The following CSMD1 variants were observed in gnomAD, a reference collection of about 807,000 sequenced individuals.
CSMD1 encodes CUB and Sushi multiple domains 1, also known as CUB and sushi domain-containing protein 1.
CSMD1 carries 213 observed loss-of-function variants against 417.5 expected under a neutral mutation model. The observed-to-expected ratio is 0.51, with a 90% CI of 0.46 to 0.57. CSMD1 has a LOEUF of 0.57. CSMD1 is among the 20% of genes least tolerant of loss of function. CSMD1 has a pLI of 0.00. For synonymous variants in CSMD1, 2,862 were observed against 1,736.8 expected (o/e 1.65, Z -16.11); for missense variants, 6,923 against 4,529.7 (o/e 1.53, Z -15.17).
chr8:3,292,246 A>T (rs1184264452), intron 25 of CSMD1, among the ~76,000 whole-genome samples: 1 of 152,154 alleles, frequency 6.6e-6, no homozygotes, highest in Non-Finnish European at 1.5e-5. Flanking sequence ...TTTACTTCCA[A>T]CTATGTGGTC....
At chr8:3,802,031 A>T (rs1045681539) in intron 5 of CSMD1, among the ~76,000 whole-genome samples, 12 of 152,154 alleles carry the variant, frequency 7.9e-5, no homozygotes, top group Non-Finnish European at 1.8e-4. Context: ...CGATGATGTA[A>T]GCATACAAAA....
chr8:4,363,984 A>C (rs768267255), intron 3 of CSMD1, among the ~76,000 whole-genome samples: 1 of 152,172 alleles, frequency 6.6e-6, no homozygotes, highest in Admixed American at 6.5e-5. Context: ...TTTTGCTAGC[A>C]TAACAGGTTG....
At chr8:4,699,188 G>A (rs1396171165) in intron 1 of CSMD1, among the ~76,000 whole-genome samples, 1 of 152,132 alleles carries the variant, frequency 6.6e-6, no homozygotes, top group African/African-American at 2.4e-5. Flanking sequence ...CTCAAAGCCT[G>A]CTAAGTATGT....
chr8:4,190,963 G>A (rs781538056), intron 3 of CSMD1, among the ~76,000 whole-genome samples: 25 of 150,696 alleles, frequency 1.7e-4, no homozygotes, highest in African/African-American at 4.7e-4. Flanking sequence ...TGGGGGGGGC[G>A]GGGAAGGGAG....
chr8:3,700,250 T>A (rs1233058968), intron 7 of CSMD1, among the ~76,000 whole-genome samples: 1 of 152,110 alleles, frequency 6.6e-6, no homozygotes, highest in Admixed American at 6.5e-5. Context: ...CCCAATAACT[T>A]ATGGAAAAAA....
At chr8:4,940,029 C>G (rs1204251517) in intron 1 of CSMD1, among the ~76,000 whole-genome samples, 1 of 152,108 alleles carries the variant, frequency 6.6e-6, no homozygotes, top group African/African-American at 2.4e-5. Context: ...ATCCATGTGC[C>G]TGCACTCCCG....
At chr8:3,134,266 T>C (rs185007851) in intron 41 of CSMD1, among the ~76,000 whole-genome samples, 2 of 152,078 alleles carry the variant, frequency 1.3e-5, no homozygotes, top group Admixed American at 1.3e-4. Flanking sequence ...AGGGCAAGGG[T>C]TCTGATGTCC....
intron 5 of CSMD1, among the ~76,000 whole-genome samples, chr8:3,985,299 A>C (rs1158098133): frequency 6.6e-6 from 1 of 152,204 alleles, no homozygotes; most frequent in Non-Finnish European, 1.5e-5. Context: ...TGCAGATAAT[A>C]AATTATTTTT....
intron 62 of CSMD1, among the ~76,000 whole-genome samples, chr8:2,959,999 ATGATAGG>A (rs2128924575): frequency 6.6e-6 from 1 of 152,296 alleles, no homozygotes; most frequent in Non-Finnish European, 1.5e-5. Context: ...TTAGTGTCAT[ATGATAGG>A]TTATAGAACT....
intron 1 of CSMD1, among the ~76,000 whole-genome samples, chr8:4,650,371 A>C (rs1803818182): frequency 6.6e-6 from 1 of 150,862 alleles, no homozygotes; most frequent in Non-Finnish European, 1.5e-5. Context: ...AAAAAAAAAA[A>C]AATCAATGAA....
intron 2 of CSMD1, among the ~76,000 whole-genome samples, chr8:4,610,162 CT>C (rs1801091540): frequency 6.6e-6 from 1 of 150,430 alleles, no homozygotes; most frequent in South Asian, 2.1e-4. Flanking sequence ...TTTTCTTCCC[CT>C]GCTTTCTTCT....
At chr8:2,998,254 T>C (rs922425343) in intron 53 of CSMD1, 70 bp from the exon 54 acceptor site, 1 of 1,495,670 alleles carries the variant, frequency 6.7e-7, no homozygotes, top group Non-Finnish European at 9.2e-7. Flanking sequence ...GGATTATTAA[T>C]AAGAAACATG....
At chr8:3,605,629 A>G (rs1456023971) in intron 8 of CSMD1, among the ~76,000 whole-genome samples, 1 of 152,158 alleles carries the variant, frequency 6.6e-6, no homozygotes, top group Non-Finnish European at 1.5e-5. Context: ...ATGACACATA[A>G]TTCATAAAGC....
At chr8:3,794,879 C>CTCTG in intron 5 of CSMD1, among the ~76,000 whole-genome samples, 1 of 151,708 alleles carries the variant, frequency 6.6e-6, no homozygotes, top group Non-Finnish European at 1.5e-5. Flanking sequence ...TGATCTCTCT[C>CTCTG]TCTCTCTTAC....
intron 1 of CSMD1, among the ~76,000 whole-genome samples, chr8:4,701,195 C>T (rs1206893328): frequency 6.6e-6 from 1 of 152,058 alleles, no homozygotes; most frequent in Non-Finnish European, 1.5e-5. Context: ...GCTGTGTGCC[C>T]CTAGTTCCCG....
At position 4,096,143 on chromosome 8, in the gene CSMD1, A is replaced by G. The variant is rs535598488; in HGVS notation, c.416-64044T>C. Among the ~76,000 whole-genome samples, 9 of 152,284 alleles carry G rather than the reference A, an allele frequency of 5.9e-5. No homozygotes were observed. The South Asian group carries it at 6.2e-4, about 11-fold the overall frequency. ...AAACATCCAGGGTCCTAGATGTTCTATAATAGGTGAGGGCTGACTAAGAGA... is the reference window on the plus strand; with the variant it reads ...AAACATCCAGGGTCCTAGATGTTCTGTAATAGGTGAGGGCTGACTAAGAGA... On this transcript the variant is annotated intron_variant, in intron 3 of 69. Transcript: ENST00000635120.
intron 5 of CSMD1, among the ~76,000 whole-genome samples, chr8:3,841,654 T>G (rs1803141319): frequency 6.6e-6 from 1 of 151,112 alleles, no homozygotes; most frequent in South Asian, 2.1e-4. Context: ...GAGGTTCAAA[T>G]AAAAAAAAAC....
rs140798459 is a variant in CSMD1 at position 4,950,471 on chromosome 8, A to G, written c.85+43861T>C. ...TGTGAAAAAGCAGAACACCTGCAAAATAGGATAAGAAATAAATCAGCCTAC... is the reference window on the plus strand; with the variant it reads ...TGTGAAAAAGCAGAACACCTGCAAAGTAGGATAAGAAATAAATCAGCCTAC... On this transcript the variant is annotated intron_variant, in intron 1 of 69. Transcript: ENST00000635120. 5.6e-3 allele frequency among the ~76,000 whole-genome samples: 856 copies of G among 152,328 alleles called. 9 individuals carry two copies. Among genetic ancestry groups the G allele is most frequent in the Middle Eastern group, 0.027 (8 of 294 alleles).
At chr8:3,453,743 A>T (rs1050908628) in intron 12 of CSMD1, among the ~76,000 whole-genome samples, 1 of 152,140 alleles carries the variant, frequency 6.6e-6, no homozygotes, top group South Asian at 2.1e-4. Flanking sequence ...TATGTGGTCA[A>T]TTTTGGAATA....
Sources: allele counts gnomAD v4.1 joint callset (sites outside exome capture counted in the v4.1 genomes callset), GRCh38; gene constraint gnomAD v4.1.1; transcripts MANE v1.5; gene names NCBI Gene and HGNC (gene_info 2026-07-23, HGNC 2026-07-21).